Variants in KIF13A observed in about 807,000 individuals in gnomAD.
KIF13A encodes the protein kinesin family member 13A, also known as kinesin-like protein KIF13A.
KIF13A carries 79 observed loss-of-function variants against 212.2 expected under a neutral mutation model. The observed-to-expected ratio is 0.37, with a 90% CI of 0.31 to 0.45. The LOEUF is 0.45. Ranked by LOEUF, KIF13A falls within the 20% of genes least tolerant of loss-of-function variation. KIF13A has a pLI of 1.00. For missense variants in KIF13A, 1,901 were observed against 2,209.0 expected (o/e 0.86, Z 2.79); for synonymous variants, 789 against 808.6 (o/e 0.98, Z 0.41).
intron 19 of KIF13A, 48 bp downstream of exon 19, chr6:17,805,425 TTC>T (rs1033193634): frequency 6.8e-7 from 1 of 1,473,886 alleles, no homozygotes; most frequent in South Asian, 1.1e-5. Flanking sequence ...ATCGCTTATA[TTC>T]TCTGTTTTTA....
intron 2 of KIF13A, among the ~76,000 whole-genome samples, chr6:17,977,468 T>TA (rs1780674644): frequency 6.6e-6 from 1 of 152,200 alleles, no homozygotes; most frequent in Admixed American, 6.5e-5. Flanking sequence ...TTGTAATCTC[T>TA]AAGAGAAACA....
Position 17,799,914 on chromosome 6 carries a change from A to G in KIF13A, c.2616+38T>C. The G allele has an allele frequency of 1.3e-6, 2 of 1,579,320 alleles. No homozygotes were observed. Among genetic ancestry groups the G allele is most frequent in the South Asian group, 2.3e-5 (2 of 85,926 alleles). ...TTTGTAAAATGGTTTTGCATGAAAA[A>G]GGTCATTTATATGAGCCTCCCATCA... On this transcript the variant is annotated intron_variant, in intron 21 of 38. Transcript: ENST00000259711. The surrounding 1 kb of genome is among the most constrained non-coding windows in gnomAD (Gnocchi z 4.4).
chr6:17,877,079 GA>G (rs1187087719), intron 3 of KIF13A, among the ~76,000 whole-genome samples: 1 of 123,192 alleles, frequency 8.1e-6, no homozygotes, highest in Non-Finnish European at 1.6e-5. Context: ...ATCTCGCAGG[GA>G]AACAGGCATT....
rs147839169 is a variant in KIF13A at position 17,961,956 on chromosome 6, C to T, written c.146+25098G>A. On this transcript the variant is annotated intron_variant, in intron 2 of 38. Coordinates refer to ENST00000259711, the MANE Select transcript of KIF13A (RefSeq NM_022113.6). This position sits in a 1 kb window ranked among gnomAD's most constrained non-coding sequence, Gnocchi z 4.1. ...TGACAATCAAGGTTTAATAGTTCAA[C>T]GGGCAATGGTTTTTCTTTTGTGTGG... 2.0e-5 allele frequency among the ~76,000 whole-genome samples: 3 copies of T among 152,248 alleles called. No individual in the cohort carries two copies. Among genetic ancestry groups the T allele is most frequent in the East Asian group, 1.9e-4 (1 of 5,174 alleles).
intron 16 of KIF13A, among the ~76,000 whole-genome samples, chr6:17,822,056 T>TG (rs1306867709): frequency 1.3e-5 from 2 of 151,436 alleles, no homozygotes; most frequent in Non-Finnish European, 2.9e-5. Flanking sequence ...TTTTTTTTTT[T>TG]TGTGATGAAG....
chr6:17,969,153 CAAAT>C (rs373759136), intron 2 of KIF13A, among the ~76,000 whole-genome samples: 81 of 152,272 alleles, frequency 5.3e-4, no homozygotes, highest in African/African-American at 1.8e-3. Flanking sequence ...AAACAAAAGA[CAAAT>C]AAGACAAGGG....
At chr6:17,792,793 C>T (rs1761705664) in intron 25 of KIF13A, among the ~76,000 whole-genome samples, 1 of 152,208 alleles carries the variant, frequency 6.6e-6, no homozygotes, top group African/African-American at 2.4e-5. Context: ...GTTCAATAGT[C>T]TGTGCACTGA....
chr6:17,786,281 C>G lies in KIF13A; in HGVS notation c.3362-640G>C, dbSNP rs78604057. ...TGTGACACTGCTTTATAGAACTATA[C>G]ATGATGTTACAAAGACAGGATTAAA... On this transcript the variant is annotated intron_variant, in intron 27 of 38. Coordinates refer to ENST00000259711, the MANE Select transcript of KIF13A (RefSeq NM_022113.6). This position sits in a 1 kb window ranked among gnomAD's most constrained non-coding sequence, Gnocchi z 5.4. Among the ~76,000 whole-genome samples, 1 of 152,082 alleles carries G rather than the reference C, an allele frequency of 6.6e-6. No individual in the cohort carries two copies. Among genetic ancestry groups the G allele is most frequent in the Non-Finnish European group, 1.5e-5 (1 of 68,026 alleles).
Position 17,952,543 on chromosome 6 carries a change from C to A in KIF13A, c.146+34511G>T, listed in dbSNP as rs188277756. On this transcript the variant is annotated intron_variant, in intron 2 of 38. Coordinates refer to ENST00000259711, the MANE Select transcript of KIF13A (RefSeq NM_022113.6). ...TCTTAGCTACTCAGGAGGCTGAGGT[C>A]GGAGGATCCCTTGAGCCCAGGAGTT... 5.3e-5 allele frequency among the ~76,000 whole-genome samples: 8 copies of A among 150,486 alleles called. No individual in the cohort carries two copies. In the East Asian group the frequency reaches 1.4e-3, roughly 26 times the overall value.
chr6:17,823,809 C>T (rs145944395), intron 16 of KIF13A, among the ~76,000 whole-genome samples: 1 of 150,642 alleles, frequency 6.6e-6, no homozygotes, highest in East Asian at 2.0e-4. Flanking sequence ...CACTATGTTG[C>T]CCAGGCTGGT....
chr6:17,895,839 C>T lies in KIF13A; in HGVS notation c.159+2329G>A, dbSNP rs1772511142. On this transcript the variant is annotated intron_variant, in intron 3 of 38. Transcript: ENST00000259711. This position sits in a 1 kb window ranked among gnomAD's most constrained non-coding sequence, Gnocchi z 4.4. ...AAGCACAAGTTTTTAATATTTTGTC[C>T]AGTCCTAGTTGTCCTCAGTGGAAAA... Among the ~76,000 whole-genome samples the T allele has an allele frequency of 6.6e-6, 1 of 152,116 alleles. No individual in the cohort carries two copies. Among genetic ancestry groups the T allele is most frequent in the Admixed American group, 6.5e-5 (1 of 15,282 alleles).
chr6:17,808,996 G>A (rs1359971998), intron 17 of KIF13A, 66 bp from the exon 18 acceptor site: 1 of 1,393,490 alleles, frequency 7.2e-7, no homozygotes, highest in East Asian at 2.5e-5. Flanking sequence ...TTCTAAGTGA[G>A]CATCTTATTA....
chr6:17,782,851 C>T (rs1420751394), intron 29 of KIF13A, among the ~76,000 whole-genome samples: 1 of 152,108 alleles, frequency 6.6e-6, no homozygotes, highest in Non-Finnish European at 1.5e-5. Flanking sequence ...ATATGGGGTT[C>T]GCCCCTCACA....
In KIF13A at chr6:17,768,553, C is replaced by T. The variant is rs1759223449; in HGVS notation, c.4581+2561G>A. On this transcript the variant is annotated intron_variant, in intron 38 of 38. Coordinates refer to ENST00000259711, the MANE Select transcript of KIF13A (RefSeq NM_022113.6). This position sits in a 1 kb window ranked among gnomAD's most constrained non-coding sequence, Gnocchi z 5.4. ...TCTGTCCATGGTACTGAGGAGTGAG[C>T]CCTTTATCTGAAGAGCAGCTGCAGG... 6.6e-6 allele frequency among the ~76,000 whole-genome samples: 1 copy of T among 152,172 alleles called. No homozygotes were observed. Among genetic ancestry groups the T allele is most frequent in the African/African-American group, 2.4e-5 (1 of 41,430 alleles).
chr6:17,955,635 A>T (rs1158056807), intron 2 of KIF13A, among the ~76,000 whole-genome samples: 1 of 152,248 alleles, frequency 6.6e-6, no homozygotes, highest in African/African-American at 2.4e-5. Flanking sequence ...CAGTGCAACT[A>T]ATCTTAATGA....
intron 32 of KIF13A, 77 bp from the exon 33 acceptor site, chr6:17,779,176 T>C: frequency 7.9e-7 from 1 of 1,259,576 alleles, no homozygotes; most frequent in Non-Finnish European, 1.1e-6. Flanking sequence ...GAAAACGTTT[T>C]AGAAGTCTGG....
chr6:17,953,122 A>T (rs910174964), intron 2 of KIF13A, among the ~76,000 whole-genome samples: 1 of 152,174 alleles, frequency 6.6e-6, no homozygotes, highest in Non-Finnish European at 1.5e-5. Context: ...AGAAATTATC[A>T]TTCATCCATA....
At position 17,787,791 on chromosome 6, in the gene KIF13A, C is replaced by CT. The variant is rs1346755993; in HGVS notation, c.3345dup (p.Val1116SerfsTer4). 4.4e-6 allele frequency: 7 copies of CT among 1,608,838 alleles called. No homozygotes were observed. Among genetic ancestry groups the CT allele is most frequent in the African/African-American group, 2.7e-5 (2 of 74,824 alleles). Reference sequence around the variant, plus strand: ...TCTCACATACCTGTTTTATTGCTGACTTTTTTTATCTGTTCATCCAGGTAT... The same window carrying CT: ...TCTCACATACCTGTTTTATTGCTGACTTTTTTTTATCTGTTCATCCAGGTAT... On this transcript the variant is annotated frameshift_variant, in exon 27 of 39. Coordinates refer to ENST00000259711, the MANE Select transcript of KIF13A (RefSeq NM_022113.6). LOFTEE classifies it high-confidence loss of function. This position sits in a 1 kb window ranked among gnomAD's most constrained non-coding sequence, Gnocchi z 4.6.
rs1050042475 is a variant in KIF13A, at chr6:17,883,417, A to G, written c.160-9980T>C. On this transcript the variant is annotated intron_variant, in intron 3 of 38. Transcript: ENST00000259711. The surrounding 1 kb of genome is among the most constrained non-coding windows in gnomAD (Gnocchi z 4.8). ...TGAACTAACTACCTCTTAATCAATC[A>G]TGTAAATCTGTTTTCACATGTGACA... Among the ~76,000 whole-genome samples, 4 of 152,162 alleles carry G rather than the reference A, an allele frequency of 2.6e-5. No homozygotes were observed. The highest frequency in any genetic ancestry group is 7.2e-5 in the African/African-American group (3 of 41,428).
Sources: allele counts gnomAD v4.1 joint callset (sites outside exome capture counted in the v4.1 genomes callset), GRCh38; gene constraint gnomAD v4.1.1; non-coding constraint Gnocchi (gnomAD v3.1); transcripts MANE v1.5; gene names NCBI Gene and HGNC (gene_info 2026-07-23, HGNC 2026-07-21).